SLC35F3: variants seen among roughly 807,000 people sequenced by gnomAD.
SLC35F3 encodes the protein putative thiamine transporter SLC35F3.
A neutral mutation model predicts 49.9 loss-of-function variants in SLC35F3; 25 were observed. The ratio of observed to expected loss-of-function variants is 0.50; its 90% confidence interval spans 0.37 to 0.70. The LOEUF (loss-of-function observed/expected upper bound fraction) is 0.70. Among genes scored for constraint, SLC35F3 ranks in the 30% least tolerant of loss-of-function variants. The probability of loss-of-function intolerance (pLI) is 0.00; values close to 1 mark genes in which losing one functional copy is unlikely to be tolerated. For missense variants in SLC35F3, 525 were observed against 639.8 expected, an observed-to-expected ratio of 0.82 and a Z score of 1.94; for synonymous variants, 275 against 265.4, an observed-to-expected ratio of 1.04 and a Z score of -0.35.
At chr1:234,140,760 C>G (rs1006867756) in intron 2 of SLC35F3, among the ~76,000 whole-genome samples, 1 of 152,156 alleles carries the variant, frequency 6.6e-6, no homozygotes, top group Non-Finnish European at 1.5e-5. Flanking sequence ...AGGTTCAAGG[C>G]AAGCTACGGA....
chr1:234,263,155 A>G (rs972852835), intron 3 of SLC35F3, among the ~76,000 whole-genome samples: 2 of 152,198 alleles, frequency 1.3e-5, no homozygotes, highest in African/African-American at 4.8e-5. Flanking sequence ...TGCAGGGGCC[A>G]AAACTGAGAA....
Position 234,000,012 on chromosome 1 carries a change from T to C in SLC35F3, c.283+94254T>C, listed in dbSNP as rs147253109. Among the ~76,000 whole-genome samples, 318 of 152,268 alleles carry C rather than the reference T, an allele frequency of 2.1e-3. 1 individual carries two copies. The highest frequency in any genetic ancestry group is 3.2e-3 in the Non-Finnish European group (221 of 68,012). On this transcript the variant is annotated intron_variant, in intron 2 of 7. Transcript: ENST00000366618. ...CTCTCGCACAATATGACAATGTTCC[T>C]AGAAAAGCCCTTTAAAGGGCTATAT...
chr1:233,905,798 ATCT>A (rs1433293962), intron 2 of SLC35F3, 40 bp downstream of exon 2: 6 of 1,545,506 alleles, frequency 3.9e-6, no homozygotes, highest in South Asian at 1.2e-5. Context: ...TCACTGGTCC[ATCT>A]TCTTACCATT....
chr1:234,122,762 A>C (rs1029572851), intron 2 of SLC35F3, among the ~76,000 whole-genome samples: 1 of 152,170 alleles, frequency 6.6e-6, no homozygotes, highest in Non-Finnish European at 1.5e-5. Flanking sequence ...GATGGCTTGC[A>C]GCTTCATCAT....
intron 2 of SLC35F3, among the ~76,000 whole-genome samples, chr1:234,161,662 G>C (rs7529222): frequency 0.14 from 20,638 of 152,034 alleles, 4,438 homozygotes; most frequent in African/African-American, 0.46. Flanking sequence ...AAAACTTAGC[G>C]AGGTGTGGTG....
intron 2 of SLC35F3, among the ~76,000 whole-genome samples, chr1:234,087,484 T>C (rs554475390): frequency 3.3e-5 from 5 of 152,276 alleles, no homozygotes; most frequent in African/African-American, 9.6e-5. Context: ...CGACACCCAA[T>C]AAGCCAAGAG....
At chr1:234,132,054 A>G (rs1665745008) in intron 2 of SLC35F3, among the ~76,000 whole-genome samples, 1 of 152,174 alleles carries the variant, frequency 6.6e-6, no homozygotes, top group East Asian at 1.9e-4. Context: ...CACAGAAGTC[A>G]GAAAGAAAGT....
At chr1:234,305,486 G>A (rs970010549) in intron 3 of SLC35F3, among the ~76,000 whole-genome samples, 8 of 150,556 alleles carry the variant, frequency 5.3e-5, no homozygotes, top group African/African-American at 9.8e-5. Context: ...AGGTTCAAGC[G>A]ATTCCCCTCC....
rs1036906490 is a variant in SLC35F3, at chr1:234,253,892, AG to A, written c.608+22155del. ...AACAAGGAAGGTCAATGTCACTGTG[AG>A]GGGTAGAGTGAGATGGCAGGATGCT... On this transcript the variant is annotated intron_variant, in intron 3 of 7. Transcript: ENST00000366618. Among the ~76,000 whole-genome samples the A allele has an allele frequency of 2.0e-5, 3 of 152,200 alleles. 1 individual carries two copies. Among genetic ancestry groups the A allele is most frequent in the Admixed American group, 2.0e-4 (3 of 15,280 alleles).
chr1:234,034,320 A>G (rs768319081), intron 2 of SLC35F3, among the ~76,000 whole-genome samples: 2 of 152,082 alleles, frequency 1.3e-5, no homozygotes, highest in Admixed American at 6.6e-5. Context: ...CCTCTTTACC[A>G]ATTTGGATGC....
At chr1:234,015,460 C>A (rs1180848937) in intron 2 of SLC35F3, among the ~76,000 whole-genome samples, 1 of 151,444 alleles carries the variant, frequency 6.6e-6, no homozygotes, top group East Asian at 1.9e-4. Flanking sequence ...TAAAAATAGA[C>A]ACATGGACTT....
intron 2 of SLC35F3, among the ~76,000 whole-genome samples, chr1:234,076,714 C>T (rs958544380): frequency 2.6e-5 from 4 of 151,956 alleles, no homozygotes; most frequent in African/African-American, 7.3e-5. Context: ...ACCAGCCTCG[C>T]CCTCCCAAAG....
Position 234,201,155 on chromosome 1 carries a change from G to A in SLC35F3, c.284-30262G>A, listed in dbSNP as rs567129664. On this transcript the variant is annotated intron_variant, in intron 2 of 7. Transcript: ENST00000366618. ...TGGCTCATAACTGAATTGGGCTCAT[G>A]TACTCCAAATCCCAGTGTGATTTGA... Among the ~76,000 whole-genome samples, 4 of 152,330 alleles carry A rather than the reference G, an allele frequency of 2.6e-5. No homozygotes were observed. The East Asian group carries it at 5.8e-4, about 22-fold the overall frequency.
At chr1:234,041,050 G>A (rs763050701) in intron 2 of SLC35F3, among the ~76,000 whole-genome samples, 25 of 152,232 alleles carry the variant, frequency 1.6e-4, no homozygotes, top group East Asian at 7.7e-4. Flanking sequence ...AGGTATATTC[G>A]TTTTTAACTT....
At chr1:234,134,901 T>C (rs935372941) in intron 2 of SLC35F3, among the ~76,000 whole-genome samples, 1 of 152,056 alleles carries the variant, frequency 6.6e-6, no homozygotes, top group Non-Finnish European at 1.5e-5. Context: ...TTTGTATTTT[T>C]AGTAGAGACG....
At chr1:233,953,828 G>T (rs986725201) in intron 2 of SLC35F3, among the ~76,000 whole-genome samples, 2 of 152,212 alleles carry the variant, frequency 1.3e-5, no homozygotes, top group African/African-American at 4.8e-5. Context: ...GGCAGGAACA[G>T]TACTGGAAGG....
At chr1:234,136,924 T>C (rs573719685) in intron 2 of SLC35F3, among the ~76,000 whole-genome samples, 2 of 152,240 alleles carry the variant, frequency 1.3e-5, no homozygotes, top group Admixed American at 6.5e-5. Context: ...AAATAATGCA[T>C]GTATCTCTAA....
chr1:234,137,102 A>G (rs1230688423), intron 2 of SLC35F3, among the ~76,000 whole-genome samples: 3 of 152,248 alleles, frequency 2.0e-5, no homozygotes, highest in African/African-American at 7.2e-5. Context: ...AAGGTAACCA[A>G]TCCAAATAAC....
chr1:234,194,439 T>C (rs932911350), intron 2 of SLC35F3, among the ~76,000 whole-genome samples: 2 of 152,070 alleles, frequency 1.3e-5, no homozygotes, highest in Non-Finnish European at 2.9e-5. Context: ...ATTTGGGGAC[T>C]CAGGAGAGAG....
Sources: allele counts gnomAD v4.1 joint callset (sites outside exome capture counted in the v4.1 genomes callset), GRCh38; gene constraint gnomAD v4.1.1; transcripts MANE v1.5; gene names NCBI Gene and HGNC (gene_info 2026-07-23, HGNC 2026-07-21).